ZBTB16: variants seen among roughly 807,000 people sequenced by gnomAD.
ZBTB16 encodes the protein zinc finger and BTB domain-containing protein 16.
ZBTB16 carries 8 observed loss-of-function variants against 56.8 expected under a neutral mutation model. The observed-to-expected ratio is 0.14, with a 90% CI of 0.08 to 0.25. The LOEUF (loss-of-function observed/expected upper bound fraction) is 0.25. Among genes scored for constraint, ZBTB16 ranks in the 10% least tolerant of loss-of-function variants. The pLI, the probability that ZBTB16 is intolerant of heterozygous loss-of-function variation, is 1.00. For synonymous variants in ZBTB16, 363 were observed against 368.5 expected (o/e 0.98, Z 0.17); for missense variants, 625 against 903.0 (o/e 0.69, Z 3.95).
intron 3 of ZBTB16, 98 bp from the exon 4 acceptor site, chr11:114,186,854 C>T (rs1412538661): frequency 3.3e-5 from 40 of 1,196,026 alleles, no homozygotes; most frequent in Non-Finnish European, 4.9e-5. Context: ...GGTGTCCAGT[C>T]CCCTTCCCTA....
At chr11:114,180,529 C>A (rs1205381959) in intron 3 of ZBTB16, among the ~76,000 whole-genome samples, 1 of 152,204 alleles carries the variant, frequency 6.6e-6, no homozygotes, top group Non-Finnish European at 1.5e-5. Flanking sequence ...AAGCAGACAG[C>A]CCCACTTCCT....
In ZBTB16 at chr11:114,063,331, C is replaced by A. The variant is rs749597976; in HGVS notation, c.31C>A (p.Leu11Met). Residue 11 changes from leucine (L) to methionine (M), a missense_variant, in exon 2 of 7, where the codon CTG becomes ATG. Around this residue, in one of 6 missense-constraint regions of ZBTB16, gnomAD observed 54 missense variants for 159.4 expected, o/e 0.34. Transcript: ENST00000335953. This position sits in a 1 kb window ranked among gnomAD's most constrained non-coding sequence, Gnocchi z 6.5. MDLTKMGMIQ[L>M]QNPSHPTGLL... ...TCTGACAAAAATGGGCATGATCCAGCTGCAGAACCCTAGCCACCCCACGGG... is the reference window on the plus strand; with the variant it reads ...TCTGACAAAAATGGGCATGATCCAGATGCAGAACCCTAGCCACCCCACGGG... 1.9e-6 allele frequency: 3 copies of A among 1,614,078 alleles called. No homozygotes were observed. The highest frequency in any genetic ancestry group is 3.3e-4 in the Middle Eastern group (2 of 6,062).
chr11:114,126,628 T>C (rs1226373894), intron 2 of ZBTB16, among the ~76,000 whole-genome samples: 1 of 152,194 alleles, frequency 6.6e-6, no homozygotes, highest in Non-Finnish European at 1.5e-5. Context: ...GCAGTGACAC[T>C]GGTGAGGTGA....
At chr11:114,194,568 T>C (rs1194756208) in intron 4 of ZBTB16, among the ~76,000 whole-genome samples, 1 of 152,216 alleles carries the variant, frequency 6.6e-6, no homozygotes, top group Non-Finnish European at 1.5e-5. Context: ...TTTTATATTA[T>C]GACAAATACA....
rs552427210 is a variant in ZBTB16, at chr11:114,100,430, A to G, written c.1268+35862A>G. On this transcript the variant is annotated intron_variant, in intron 2 of 6. Coordinates refer to ENST00000335953, the MANE Select transcript of ZBTB16 (RefSeq NM_006006.6). ...ATTTAAGTAAAAATATTCTTTCCTT[A>G]CCACCCTCTATGCCCCCTACTCCCC... Among the ~76,000 whole-genome samples the G allele has an allele frequency of 2.6e-5, 4 of 152,222 alleles. No individual in the cohort carries two copies. The East Asian group carries it at 7.7e-4, about 29-fold the overall frequency.
chr11:114,238,539 T>C (rs750759051), intron 4 of ZBTB16, among the ~76,000 whole-genome samples: 73 of 152,094 alleles, frequency 4.8e-4, no homozygotes, highest in Non-Finnish European at 1.3e-4. Context: ...AGGACACTCA[T>C]TCCATTTTAA....
intron 2 of ZBTB16, among the ~76,000 whole-genome samples, chr11:114,069,021 T>C (rs1284425657): frequency 1.3e-5 from 2 of 152,222 alleles, no homozygotes; most frequent in African/African-American, 2.4e-5. Context: ...CTGGATCTTA[T>C]ACAGACAAGC....
Position 114,064,270 on chromosome 11 carries a change from G to C in ZBTB16, c.970G>C (p.Ala324Pro), listed in dbSNP as rs377294039. ...CCCCACTGGCCGACCTGAGCACCCA[G>C]CACCCCCGCCTGAGAAGCATCTGGG... ...QAPTGRPEHPAPPPEKHLGIY... is the reference protein window; with the variant it reads ...QAPTGRPEHPPPPPEKHLGIY... Residue 324 changes from alanine (A) to proline (P), a missense_variant, in exon 2 of 7, where the codon GCA becomes CCA. Physicochemically the swap from Ala to Pro is conservative, Grantham distance 27 (BLOSUM62 -1). Around this residue, in one of 6 missense-constraint regions of ZBTB16, gnomAD observed 384 missense variants for 393.5 expected, o/e 0.98. Coordinates refer to ENST00000335953, the MANE Select transcript of ZBTB16 (RefSeq NM_006006.6). This position sits in a 1 kb window ranked among gnomAD's most constrained non-coding sequence, Gnocchi z 4.2. The C allele has an allele frequency of 4.3e-6, 7 of 1,613,936 alleles. No homozygotes were observed. The highest frequency in any genetic ancestry group is 5.1e-6 in the Non-Finnish European group (6 of 1,180,038).
intron 2 of ZBTB16, among the ~76,000 whole-genome samples, chr11:114,087,984 C>T (rs958793568): frequency 3.9e-5 from 6 of 152,146 alleles, no homozygotes; most frequent in Admixed American, 1.3e-4. Context: ...CTCTGGTCAT[C>T]GCAACAGGGC....
At chr11:114,151,071 G>A (rs932120534) in intron 2 of ZBTB16, among the ~76,000 whole-genome samples, 2 of 152,162 alleles carry the variant, frequency 1.3e-5, no homozygotes, top group African/African-American at 2.4e-5. Flanking sequence ...AGAATCTCCC[G>A]TCTGCTTCCT....
At chr11:114,159,937 C>CA (rs1555145908) in intron 3 of ZBTB16, among the ~76,000 whole-genome samples, 1 of 93,840 alleles carries the variant, frequency 1.1e-5, no homozygotes, top group Non-Finnish European at 2.0e-5. Flanking sequence ...GCGGGGGAGG[C>CA]GGGGGGGAGG....
intron 3 of ZBTB16, among the ~76,000 whole-genome samples, chr11:114,177,320 G>A (rs1012856938): frequency 2.0e-5 from 3 of 152,100 alleles, no homozygotes; most frequent in Non-Finnish European, 4.4e-5. Context: ...GTGCGATCTC[G>A]GCTCACCACA....
At chr11:114,226,733 C>T (rs552062948) in intron 4 of ZBTB16, among the ~76,000 whole-genome samples, 2 of 152,290 alleles carry the variant, frequency 1.3e-5, no homozygotes, top group African/African-American at 4.8e-5. Flanking sequence ...CCTTGAACTC[C>T]AGCCAGATGC....
intron 2 of ZBTB16, among the ~76,000 whole-genome samples, chr11:114,074,691 C>A (rs558135435): frequency 6.6e-6 from 1 of 152,308 alleles, no homozygotes; most frequent in East Asian, 1.9e-4. Flanking sequence ...GACAAGTAGC[C>A]CTGTCAGCCG....
chr11:114,079,688 T>G (rs983813137), intron 2 of ZBTB16, among the ~76,000 whole-genome samples: 1 of 152,198 alleles, frequency 6.6e-6, no homozygotes, highest in Non-Finnish European at 1.5e-5. Context: ...ATCTGTTGAC[T>G]ATAGTGAGTG....
chr11:114,244,363 AT>A (rs962020619), intron 5 of ZBTB16, among the ~76,000 whole-genome samples: 4 of 129,908 alleles, frequency 3.1e-5, no homozygotes, highest in African/African-American at 9.0e-5. Flanking sequence ...GTAAGGACAG[AT>A]TGGGGGGGGC....
chr11:114,168,465 C>T lies in ZBTB16; in HGVS notation c.1366+12031C>T, dbSNP rs975866146. 5.9e-5 allele frequency among the ~76,000 whole-genome samples: 9 copies of T among 152,312 alleles called. No individual in the cohort carries two copies. In the East Asian group the frequency reaches 1.4e-3, roughly 23 times the overall value. On this transcript the variant is annotated intron_variant, in intron 3 of 6. Transcript: ENST00000335953. ...GACATTTATTGAAACTTGCTGTGTT[C>T]CAGGCACAGTGCTATGTGTTCTGCA... is the stretch of plus-strand genomic sequence containing the variant.
chr11:114,169,275 G>T (rs368911435), intron 3 of ZBTB16, among the ~76,000 whole-genome samples: 2 of 152,154 alleles, frequency 1.3e-5, no homozygotes, highest in African/African-American at 4.8e-5. Context: ...GACTTCAAGC[G>T]TCTTGGAGTA....
intron 2 of ZBTB16, among the ~76,000 whole-genome samples, chr11:114,124,541 A>G (rs1941436601): frequency 7.2e-6 from 1 of 139,072 alleles, no homozygotes; most frequent in African/African-American, 2.8e-5. Context: ...GGCAAAAACA[A>G]AACAAAAAAA....
Sources: allele counts gnomAD v4.1 joint callset (sites outside exome capture counted in the v4.1 genomes callset), GRCh38; gene constraint gnomAD v4.1.1; regional missense constraint gnomAD v4.1.1; non-coding constraint Gnocchi (gnomAD v3.1); transcripts MANE v1.5; gene names NCBI Gene and HGNC (gene_info 2026-07-23, HGNC 2026-07-21).